TAF2: variants seen among roughly 807,000 people sequenced by gnomAD.
TAF2 encodes the protein TATA-box binding protein associated factor 2, also known as transcription initiation factor TFIID subunit 2.
In TAF2, 61 loss-of-function variants were observed where a neutral mutation model predicts 138.5. That is an observed-to-expected ratio of 0.44 (90% CI 0.36 to 0.54). The LOEUF is 0.54. Among genes scored for constraint, TAF2 ranks in the 20% least tolerant of loss-of-function variants. TAF2 has a pLI of 0.00. For missense variants in TAF2, 1,090 were observed against 1,427.9 expected (o/e 0.76, Z 3.81); for synonymous variants, 475 against 469.9 (o/e 1.01, Z -0.14).
intron 9 of TAF2, 48 bp from the exon 10 acceptor site, chr8:119,793,499 T>A: frequency 7.6e-7 from 1 of 1,319,028 alleles, no homozygotes. Flanking sequence ...TAAAGTAACA[T>A]TTTTTTACAT....
intron 17 of TAF2, 131 bp from the exon 18 acceptor site, chr8:119,778,260 A>G: frequency 1.7e-6 from 1 of 596,922 alleles, no homozygotes; most frequent in Non-Finnish European, 3.0e-6. Context: ...TAACACCTCC[A>G]CACCCCAACC....
At chr8:119,740,661 T>TAAAAAA (rs1489398697) in intron 25 of TAF2, among the ~76,000 whole-genome samples, 1 of 65,476 alleles carries the variant, frequency 1.5e-5, no homozygotes, top group Non-Finnish European at 2.9e-5. Context: ...TGAGACTGTC[T>TAAAAAA]CAAAAAAAAA....
At position 119,734,148 on chromosome 8, in the gene TAF2, C is replaced by T. The variant is rs1218477867; in HGVS notation, c.3338-1962G>A. On this transcript the variant is annotated intron_variant, in intron 25 of 25. Coordinates refer to ENST00000378164, the MANE Select transcript of TAF2 (RefSeq NM_003184.4). ...TCAACAGTGTCCAGGCTGGGAAACC[C>T]TGCTGCATCGTGGTCTTCCTAAACA... Among the ~76,000 whole-genome samples, 3 of 152,114 alleles carry T rather than the reference C, an allele frequency of 2.0e-5. No homozygotes were observed. In the East Asian group the frequency reaches 5.8e-4, roughly 29 times the overall value.
chr8:119,805,417 T>C (rs903671583), intron 4 of TAF2, among the ~76,000 whole-genome samples: 1 of 152,078 alleles, frequency 6.6e-6, no homozygotes, highest in Admixed American at 6.6e-5. Flanking sequence ...TTAAAAATAT[T>C]TTTCATGGCC....
At chr8:119,777,362 T>G (rs1433951) in intron 18 of TAF2, among the ~76,000 whole-genome samples, 41,253 of 151,998 alleles carry the variant, frequency 0.27, 6,851 homozygotes, top group Admixed American at 0.46. Flanking sequence ...TATCAGGTTG[T>G]GTCCTTGATG....
At chr8:119,783,169 T>C (rs1822790500) in intron 16 of TAF2, among the ~76,000 whole-genome samples, 1 of 152,214 alleles carries the variant, frequency 6.6e-6, no homozygotes, top group Admixed American at 6.5e-5. Flanking sequence ...TAACTTTTCA[T>C]TTTGACAATT....
At chr8:119,765,175 G>A (rs1047274000) in intron 18 of TAF2, among the ~76,000 whole-genome samples, 95 of 152,120 alleles carry the variant, frequency 6.2e-4, no homozygotes, top group African/African-American at 2.2e-3. Context: ...AAGTGACTGT[G>A]ACACAGAGAC....
intron 3 of TAF2, among the ~76,000 whole-genome samples, chr8:119,813,221 T>C (rs1825219709): frequency 6.6e-6 from 1 of 152,270 alleles, no homozygotes; most frequent in South Asian, 2.1e-4. Context: ...TTTCTTTATA[T>C]GTGTTGACTA....
intron 22 of TAF2, among the ~76,000 whole-genome samples, chr8:119,754,612 G>T (rs1207544731): frequency 6.6e-6 from 1 of 152,074 alleles, no homozygotes; most frequent in Non-Finnish European, 1.5e-5. Context: ...GAACTTGGGA[G>T]GCGGAGGTTG....
At chr8:119,750,694 C>T (rs1820292110) in intron 22 of TAF2, among the ~76,000 whole-genome samples, 1 of 152,138 alleles carries the variant, frequency 6.6e-6, no homozygotes, top group Non-Finnish European at 1.5e-5. Flanking sequence ...GACGGTGGGA[C>T]AGAGCTTTGA....
At chr8:119,777,496 A>C (rs1300084736) in intron 18 of TAF2, among the ~76,000 whole-genome samples, 1 of 152,202 alleles carries the variant, frequency 6.6e-6, no homozygotes, top group Non-Finnish European at 1.5e-5. Flanking sequence ...ACTCTTAAAA[A>C]CATTTGCTGA....
chr8:119,781,356 G>T (rs1307165806), intron 16 of TAF2, among the ~76,000 whole-genome samples, 163 bp from the exon 17 acceptor site: 1 of 152,050 alleles, frequency 6.6e-6, no homozygotes, highest in African/African-American at 2.4e-5. Context: ...CCATTTCCAA[G>T]AAATTATACA....
At chr8:119,749,884 T>C (rs562022622) in intron 22 of TAF2, among the ~76,000 whole-genome samples, 64 of 152,262 alleles carry the variant, frequency 4.2e-4, no homozygotes, top group Middle Eastern at 3.4e-3. Context: ...CCCAGGAAAA[T>C]TGCTATTCAT....
chr8:119,761,168 T>C (rs1458584416), intron 19 of TAF2, among the ~76,000 whole-genome samples: 1 of 152,188 alleles, frequency 6.6e-6, no homozygotes, highest in African/African-American at 2.4e-5. Context: ...TTATCTTTTA[T>C]ACCGTATTTT....
At chr8:119,802,314 C>T (rs1413021350) in intron 5 of TAF2, among the ~76,000 whole-genome samples, 1 of 152,174 alleles carries the variant, frequency 6.6e-6, no homozygotes, top group Non-Finnish European at 1.5e-5. Context: ...ATAATTTTAA[C>T]TTGTATCCGC....
At chr8:119,735,120 TA>T (rs1245303473) in intron 25 of TAF2, among the ~76,000 whole-genome samples, 1 of 152,174 alleles carries the variant, frequency 6.6e-6, no homozygotes, top group Non-Finnish European at 1.5e-5. Context: ...TCCAGAGTCT[TA>T]CTCTTAACCA....
intron 18 of TAF2, 25 bp from the exon 19 acceptor site, chr8:119,762,633 A>C: frequency 6.3e-7 from 1 of 1,591,198 alleles, no homozygotes; most frequent in South Asian, 1.1e-5. Context: ...AATTAAGTGA[A>C]GATAACAAAA....
chr8:119,774,573 T>C (rs1285074969), intron 18 of TAF2, among the ~76,000 whole-genome samples: 4 of 151,758 alleles, frequency 2.6e-5, no homozygotes, highest in African/African-American at 7.3e-5. Flanking sequence ...TCTTCCAATG[T>C]GGACCAGGGA....
In TAF2 at chr8:119,732,186, C is replaced by T; in HGVS notation, c.3338G>A (p.Gly1113Asp). 6.2e-7 allele frequency: 1 copy of T among 1,613,956 alleles called. No homozygotes were observed. The highest frequency in any genetic ancestry group is 8.5e-7 in the Non-Finnish European group (1 of 1,179,890). The stretch of plus-strand genomic sequence containing the variant: ...CATCTCCAAAGGTGCTTGTTCTTTA[C>T]CTTCAAGATTAAAAATACCCAAATG... ...WSLELARKGTGKEQAPLEMSM... is the reference protein window; with the variant it reads ...WSLELARKGTDKEQAPLEMSM... Residue 1113 changes from glycine (G) to aspartate (D), a missense_variant and splice_region_variant, in exon 26 of 26, where the codon GGT becomes GAT. Gly to Asp is a moderately conservative substitution (Grantham distance 94). This residue lies in a region of TAF2 where 580 missense variants were observed against 719.6 expected (regional missense o/e 0.81). Coordinates refer to ENST00000378164, the MANE Select transcript of TAF2 (RefSeq NM_003184.4).
Sources: gnomAD v4.1 joint callset for allele counts (sites outside exome capture counted in the v4.1 genomes callset) on GRCh38, gnomAD v4.1.1 for gene constraint, gnomAD v4.1.1 regional missense constraint, MANE v1.5 for transcripts, NCBI Gene and HGNC (gene_info 2026-07-23, HGNC 2026-07-21) for gene names.